Variants in NAPEPLD observed in about 807,000 individuals in gnomAD.
NAPEPLD encodes N-acyl-phosphatidylethanolamine-hydrolyzing phospholipase D.
NAPEPLD carries 23 observed loss-of-function variants against 38.1 expected under a neutral mutation model. The ratio of observed to expected loss-of-function variants is 0.60; its 90% CI spans 0.43 to 0.86. NAPEPLD has a LOEUF of 0.86. Ranked by LOEUF, NAPEPLD falls within the 40% of genes least tolerant of loss-of-function variation. The probability of loss-of-function intolerance (pLI) is 0.00; values close to 1 mark genes in which losing one functional copy is unlikely to be tolerated. For missense variants in NAPEPLD, 411 were observed against 476.8 expected (o/e 0.86, Z 1.28); for synonymous variants, 147 against 162.0 (o/e 0.91, Z 0.71).
chr7:103,105,865 G>A (rs1015891478), intron 4 of NAPEPLD, among the ~76,000 whole-genome samples: 5 of 150,576 alleles, frequency 3.3e-5, no homozygotes, highest in African/African-American at 1.2e-4. Flanking sequence ...CCCAGGAGAC[G>A]GAGGTTGCAG....
upstream of NAPEPLD, chr7:103,149,424 G>A: frequency 8.1e-7 from 1 of 1,239,432 alleles, no homozygotes; most frequent in Non-Finnish European, 1.0e-6. Flanking sequence ...CGCCGCGCTG[G>A]CTCCGCCGAG....
At chr7:103,149,417 C>T (rs1045898737), upstream of NAPEPLD, 3 of 1,233,782 alleles carry the variant, frequency 2.4e-6, no homozygotes, top group East Asian at 1.6e-4. Context: ...CCGAGCCCGC[C>T]GCGCTGGCTC....
At position 103,120,124 on chromosome 7, in the gene NAPEPLD, GTC is replaced by G; in HGVS notation, c.392_393del (p.Gly131AlafsTer10). ...REAGLRVTWL[G>X]HATVMVEMDE... is the part of the protein sequence containing the mutation. Reference sequence around the variant, plus strand: ...TCCATTTCCACCATTACCGTGGCATGTCCCAGCCATGTGACTCTTAAGCCAGC... The same window carrying G: ...TCCATTTCCACCATTACCGTGGCATGCCAGCCATGTGACTCTTAAGCCAGC... On this transcript the variant is annotated frameshift_variant, in exon 3 of 5. Transcript: ENST00000465647. LOFTEE classifies it high-confidence loss of function. 1 of 1,614,164 alleles carries G rather than the reference GTC, an allele frequency of 6.2e-7. No individual in the cohort carries two copies. Among genetic ancestry groups the G allele is most frequent in the Non-Finnish European group, 8.5e-7 (1 of 1,180,030 alleles).
At chr7:103,135,037 T>C (rs1372921994) in intron 1 of NAPEPLD, among the ~76,000 whole-genome samples, 1 of 152,176 alleles carries the variant, frequency 6.6e-6, no homozygotes, top group Non-Finnish European at 1.5e-5. Context: ...AAAATCACAG[T>C]AGTAAAACAT....
chr7:103,103,271 C>T lies in NAPEPLD; in HGVS notation c.*158G>A. ...TCATAGTGTACATGAGCTGATCATA[C>T]TAGGAAGCAAGTTATTACACAAAAC... On this transcript the variant is annotated 3_prime_UTR_variant, in exon 5 of 5. Transcript: ENST00000465647. The T allele has an allele frequency of 2.3e-6, 2 of 852,106 alleles. No homozygotes were observed. Among genetic ancestry groups the T allele is most frequent in the Non-Finnish European group, 3.5e-6 (2 of 570,616 alleles). 52.8% of individuals were successfully genotyped at this position (852,106 alleles called of 1,614,324 possible). A position where few individuals can be genotyped will look rare whatever the true frequency, so the allele number is the denominator to read the frequency against.
chr7:103,116,826 AGCT>A (rs1172888325), intron 3 of NAPEPLD, among the ~76,000 whole-genome samples: 2 of 152,196 alleles, frequency 1.3e-5, no homozygotes, highest in Non-Finnish European at 2.9e-5. Flanking sequence ...AAATTCTCTG[AGCT>A]GCTATTTCTT....
At chr7:103,119,547 C>A in intron 3 of NAPEPLD, 30 bp downstream of exon 3, 1 of 1,574,356 alleles carries the variant, frequency 6.4e-7, no homozygotes. Flanking sequence ...TATCACATAG[C>A]AGGAATGTTT....
chr7:103,128,861 T>C (rs1808370814), intron 1 of NAPEPLD, 69 bp from the exon 2 acceptor site: 1 of 1,459,204 alleles, frequency 6.9e-7, no homozygotes, highest in South Asian at 1.4e-5. Context: ...CAAGGTACTA[T>C]TTGTTAGCCA....
At chr7:103,122,548 G>A (rs1454524202) in intron 2 of NAPEPLD, among the ~76,000 whole-genome samples, 1 of 152,078 alleles carries the variant, frequency 6.6e-6, no homozygotes, top group Non-Finnish European at 1.5e-5. Flanking sequence ...CACAGGTGGA[G>A]GACAAAAAGG....
chr7:103,116,646 G>A (rs987192040), intron 3 of NAPEPLD, among the ~76,000 whole-genome samples: 17 of 152,166 alleles, frequency 1.1e-4, no homozygotes, highest in African/African-American at 4.1e-4. Flanking sequence ...TCATAAAACT[G>A]AACAATGAGG....
chr7:103,133,822 G>A (rs1809482817), intron 1 of NAPEPLD, among the ~76,000 whole-genome samples: 1 of 152,196 alleles, frequency 6.6e-6, no homozygotes, highest in Admixed American at 6.5e-5. Flanking sequence ...GAAAGTAGAT[G>A]TGTACATGAA....
chr7:103,120,317 G>A, intron 2 of NAPEPLD, 94 bp from the exon 3 acceptor site: 1 of 1,379,244 alleles, frequency 7.3e-7, no homozygotes, highest in Non-Finnish European at 9.7e-7. Flanking sequence ...ATGGCAAGAA[G>A]AGCTGTTTTA....
chr7:103,146,540 A>G (rs1481172750), intron 1 of NAPEPLD, among the ~76,000 whole-genome samples: 1 of 152,230 alleles, frequency 6.6e-6, no homozygotes, highest in Admixed American at 6.5e-5. Flanking sequence ...AAGAGTCTGC[A>G]CCTTCAAGGG....
In NAPEPLD at chr7:103,141,685, G is replaced by C. The variant is rs1354863111; in HGVS notation, c.-17+7126C>G. 4 of 910,544 alleles carry C rather than the reference G, an allele frequency of 4.4e-6. No homozygotes were observed. The Admixed American group carries it at 5.1e-5, about 12-fold the overall frequency. 56.4% of individuals were successfully genotyped at this position (910,544 alleles called of 1,614,324 possible). ...TGACCTTCTCTGGCATTCGGGCATT[G>C]GCTGTACCCTTCCGCTTACCTATGC... is the stretch of plus-strand genomic sequence containing the variant. On this transcript the variant is annotated intron_variant, in intron 1 of 4. Transcript: ENST00000465647.
intron 1 of NAPEPLD, among the ~76,000 whole-genome samples, chr7:103,135,786 G>C (rs1809920067): frequency 6.6e-6 from 1 of 152,034 alleles, no homozygotes; most frequent in South Asian, 2.1e-4. Flanking sequence ...CTTCACTAGA[G>C]TGGAAAGAAC....
chr7:103,128,961 C>T (rs1225241150), intron 1 of NAPEPLD, among the ~76,000 whole-genome samples, 169 bp from the exon 2 acceptor site: 2 of 152,194 alleles, frequency 1.3e-5, no homozygotes, highest in African/African-American at 4.8e-5. Context: ...TACAGTATTA[C>T]TTCTTGCTAA....
At chr7:103,118,295 G>A (rs899304693) in intron 3 of NAPEPLD, among the ~76,000 whole-genome samples, 2 of 152,162 alleles carry the variant, frequency 1.3e-5, no homozygotes, top group Non-Finnish European at 2.9e-5. Context: ...GACAGGTTTT[G>A]AGAGGTTTCA....
chr7:103,141,559 C>T (rs1291659715), intron 1 of NAPEPLD: 4 of 1,201,508 alleles, frequency 3.3e-6, no homozygotes, highest in Non-Finnish European at 5.0e-6. Context: ...CATTCCTCTT[C>T]ACCTTCAGGT....
chr7:103,148,336 T>A (rs1439142024), intron 1 of NAPEPLD, among the ~76,000 whole-genome samples: 1 of 151,868 alleles, frequency 6.6e-6, no homozygotes, highest in East Asian at 1.9e-4. Context: ...AATGACTTTT[T>A]AAAAGGCTGT....
Sources: allele counts gnomAD v4.1 joint callset (sites outside exome capture counted in the v4.1 genomes callset), GRCh38; gene constraint gnomAD v4.1.1; transcripts MANE v1.5; gene names NCBI Gene and HGNC (gene_info 2026-07-23, HGNC 2026-07-21).